The following ATP10B variants were observed in gnomAD, a reference collection of about 807,000 sequenced individuals.
ATP10B encodes ATPase phospholipid transporting 10B (putative).
In ATP10B, 122 loss-of-function variants were observed where a neutral mutation model predicts 141.2. That is an observed-to-expected ratio of 0.86 (90% CI 0.75 to 1.00). The LOEUF is 1.00. ATP10B is among the 50% of genes least tolerant of loss of function. The pLI is 0.00. For synonymous variants in ATP10B, 685 were observed against 692.0 expected, an observed-to-expected ratio of 0.99 and a Z score of 0.16; for missense variants, 1,876 against 1,825.3, an observed-to-expected ratio of 1.03 and a Z score of -0.51.
chr5:160,769,623 A>T (rs1283310960), intron 2 of ATP10B, among the ~76,000 whole-genome samples: 1 of 152,234 alleles, frequency 6.6e-6, no homozygotes, highest in East Asian at 1.9e-4. Context: ...AGAAAATGGC[A>T]AAGGCAGAAA....
intron 1 of ATP10B, among the ~76,000 whole-genome samples, chr5:160,826,541 A>C (rs1410367875): frequency 6.6e-6 from 1 of 152,154 alleles, no homozygotes; most frequent in Non-Finnish European, 1.5e-5. Flanking sequence ...TTTGAATATG[A>C]AATCAGTGCA....
At chr5:160,803,499 A>C (rs1772541758) in intron 1 of ATP10B, among the ~76,000 whole-genome samples, 1 of 152,090 alleles carries the variant, frequency 6.6e-6, no homozygotes, top group African/African-American at 2.4e-5. Flanking sequence ...AACATGGTGA[A>C]ACCCCGTCCC....
intron 7 of ATP10B, among the ~76,000 whole-genome samples, chr5:160,653,267 GTACA>G (rs1428343425): frequency 2.4e-5 from 3 of 126,962 alleles, no homozygotes; most frequent in Non-Finnish European, 4.7e-5. Context: ...ATATACATAC[GTACA>G]TACATACATA....
the ATP10B span, among the ~76,000 whole-genome samples, chr5:160,868,803 C>T: frequency 6.6e-6 from 1 of 152,088 alleles, no homozygotes; most frequent in African/African-American, 2.4e-5. Context: ...ATTCATTATA[C>T]TTATGCAGAT....
intron 3 of ATP10B, among the ~76,000 whole-genome samples, chr5:160,693,063 T>G (rs759306405): frequency 3.3e-5 from 5 of 152,162 alleles, no homozygotes; most frequent in Non-Finnish European, 5.9e-5. Context: ...TGGGGGGCTA[T>G]TCTATAAAAC....
intron 2 of ATP10B, among the ~76,000 whole-genome samples, chr5:160,765,417 A>G (rs1403408438): frequency 1.3e-5 from 2 of 152,192 alleles, no homozygotes; most frequent in Non-Finnish European, 2.9e-5. Flanking sequence ...CCAAATACTT[A>G]TAGCCAATGG....
chr5:160,638,087 C>A (rs1312604908), intron 10 of ATP10B, among the ~76,000 whole-genome samples: 1 of 152,128 alleles, frequency 6.6e-6, no homozygotes, highest in Non-Finnish European at 1.5e-5. Context: ...AGAAGAAACA[C>A]CACCTTTACA....
chr5:160,638,604 A>G (rs1045237413), intron 10 of ATP10B, among the ~76,000 whole-genome samples: 5 of 152,122 alleles, frequency 3.3e-5, no homozygotes, highest in African/African-American at 1.2e-4. Context: ...GGCCACCCAC[A>G]AGACTCAATC....
intron 1 of ATP10B, among the ~76,000 whole-genome samples, chr5:160,836,405 T>C (rs922495871): frequency 1.2e-4 from 19 of 152,140 alleles, no homozygotes; most frequent in African/African-American, 4.6e-4. Context: ...ATTATTTGTG[T>C]AATGTCTGCT....
intron 3 of ATP10B, among the ~76,000 whole-genome samples, chr5:160,704,882 T>TAATC (rs1008365817): frequency 6.7e-6 from 1 of 148,688 alleles, no homozygotes; most frequent in Non-Finnish European, 1.5e-5. Flanking sequence ...CCTTATGAAA[T>TAATC]AATCTCTGCT....
At chr5:160,688,267 T>C (rs556830895) in intron 4 of ATP10B, among the ~76,000 whole-genome samples, 173 bp from the exon 5 acceptor site, 2 of 152,312 alleles carry the variant, frequency 1.3e-5, no homozygotes, top group African/African-American at 4.8e-5. Context: ...TCCCTGTTGT[T>C]CCTAAAGATA....
chr5:160,672,310 AGT>A (rs1762762297), intron 6 of ATP10B, among the ~76,000 whole-genome samples: 2 of 152,108 alleles, frequency 1.3e-5, no homozygotes, highest in Non-Finnish European at 2.9e-5. Flanking sequence ...CATTTCAGAA[AGT>A]CTTCCTTCTG....
rs1247867945 is a variant in ATP10B, at chr5:160,606,746, A to T, written c.3160+19T>A. ...TCATCCCTGCCAAAGTGCCACCCGC[A>T]TCTCAGTATGATGGGTACCTATGGA... On this transcript the variant is annotated intron_variant, in intron 19 of 25. Transcript: ENST00000327245. 2.5e-6 allele frequency: 4 copies of T among 1,602,062 alleles called. No individual in the cohort carries two copies. Among genetic ancestry groups the T allele is most frequent in the Middle Eastern group, 3.3e-4 (2 of 5,998 alleles).
At chr5:160,702,230 C>T (rs1249964912) in intron 3 of ATP10B, among the ~76,000 whole-genome samples, 1 of 152,132 alleles carries the variant, frequency 6.6e-6, no homozygotes, top group Non-Finnish European at 1.5e-5. Flanking sequence ...TCTATTATCT[C>T]ATTTTATTCC....
chr5:160,680,031 A>G (rs1211010775), intron 6 of ATP10B, among the ~76,000 whole-genome samples: 3 of 152,204 alleles, frequency 2.0e-5, no homozygotes, highest in Non-Finnish European at 4.4e-5. Flanking sequence ...CACGGTTGCT[A>G]TATTAAAAGA....
intron 2 of ATP10B, among the ~76,000 whole-genome samples, chr5:160,759,633 T>C (rs1768883687): frequency 2.6e-5 from 4 of 152,286 alleles, no homozygotes; most frequent in South Asian, 4.1e-4. Flanking sequence ...CCTATGGCAA[T>C]AGGCTGTATA....
intron 3 of ATP10B, among the ~76,000 whole-genome samples, chr5:160,695,958 T>C (rs1426579678): frequency 6.6e-6 from 1 of 152,212 alleles, no homozygotes; most frequent in Non-Finnish European, 1.5e-5. Context: ...AGAAATAGTC[T>C]GGAGTTAGCA....
intron 22 of ATP10B, among the ~76,000 whole-genome samples, chr5:160,597,534 A>T (rs1013832455): frequency 6.6e-6 from 1 of 152,202 alleles, no homozygotes; most frequent in African/African-American, 2.4e-5. Context: ...CAAAAGCCAA[A>T]ATTGACAAAT....
chr5:160,924,305 C>A, the ATP10B span, among the ~76,000 whole-genome samples: 1 of 152,216 alleles, frequency 6.6e-6, no homozygotes, highest in South Asian at 2.1e-4. Context: ...GTGTTGCCAC[C>A]TTCAGCTGGG....
Sources: gnomAD v4.1 joint callset for allele counts (sites outside exome capture counted in the v4.1 genomes callset) on GRCh38, gnomAD v4.1.1 for gene constraint, MANE v1.5 for transcripts, NCBI Gene and HGNC (gene_info 2026-07-23, HGNC 2026-07-21) for gene names.